TRIP4: variants seen among roughly 807,000 people sequenced by gnomAD.
TRIP4 encodes thyroid hormone receptor interactor 4.
Under a neutral mutation model 81.8 loss-of-function variants are expected in TRIP4, and 54 were observed. The observed-to-expected ratio is 0.66, with a 90% CI of 0.53 to 0.83. The LOEUF (loss-of-function observed/expected upper bound fraction) is 0.83. Among genes scored for constraint, TRIP4 ranks in the 40% least tolerant of loss-of-function variants. TRIP4 has a pLI of 0.00. For synonymous variants in TRIP4, 270 were observed against 242.8 expected (o/e 1.11, Z -1.04); for missense variants, 662 against 683.6 (o/e 0.97, Z 0.35).
intron 11 of TRIP4, among the ~76,000 whole-genome samples, chr15:64,443,188 G>A (rs949701497): frequency 3.9e-4 from 59 of 152,102 alleles, no homozygotes; most frequent in African/African-American, 1.4e-3. Context: ...TGTTGTAATG[G>A]GAATCTGAGA....
chr15:64,438,086 T>G (rs1005912897), intron 11 of TRIP4, among the ~76,000 whole-genome samples: 3 of 152,220 alleles, frequency 2.0e-5, no homozygotes, highest in Non-Finnish European at 2.9e-5. Flanking sequence ...AAAGGAGTAT[T>G]GTTGACATTA....
At chr15:64,433,755 T>C (rs967997542) in intron 11 of TRIP4, among the ~76,000 whole-genome samples, 2 of 152,212 alleles carry the variant, frequency 1.3e-5, no homozygotes, top group Admixed American at 1.3e-4. Context: ...TATCGGCCTC[T>C]ATGGAGAATA....
At chr15:64,401,381 C>A (rs1387630982) in intron 5 of TRIP4, among the ~76,000 whole-genome samples, 1 of 152,088 alleles carries the variant, frequency 6.6e-6, no homozygotes, top group Non-Finnish European at 1.5e-5. Flanking sequence ...ATGATCTGCC[C>A]ACCTTGGCCT....
chr15:64,414,476 C>G (rs1891843573), intron 8 of TRIP4, among the ~76,000 whole-genome samples: 1 of 148,642 alleles, frequency 6.7e-6, no homozygotes, highest in South Asian at 2.1e-4. Context: ...GAAATTTAGA[C>G]AGAAATTCCA....
intron 11 of TRIP4, among the ~76,000 whole-genome samples, chr15:64,427,795 G>A (rs1038250993): frequency 1.3e-5 from 2 of 152,188 alleles, no homozygotes; most frequent in African/African-American, 4.8e-5. Flanking sequence ...GCATTTTGGT[G>A]TGAATTTTGA....
chr15:64,414,316 A>C, intron 8 of TRIP4, 105 bp downstream of exon 8: 98 of 1,461,308 alleles, frequency 6.7e-5, no homozygotes, highest in Middle Eastern at 1.8e-4. Flanking sequence ...CAGCTCTCTC[A>C]ATACACCTGT....
Position 64,397,593 on chromosome 15 carries a change from C to G in TRIP4, c.406-13C>G, listed in dbSNP as rs775673558. 6.2e-7 allele frequency: 1 copy of G among 1,608,094 alleles called. No individual in the cohort carries two copies. The highest frequency in any genetic ancestry group is 2.2e-5 in the East Asian group (1 of 44,648). ...TAATTATTTGATGTTATTTTGATGT[C>G]TTTGTACGATAGGCACAAGAGAACA... On this transcript the variant is annotated splice_polypyrimidine_tract_variant and intron_variant, in intron 3 of 12. Transcript: ENST00000261884.
chr15:64,453,699 GTTC>G (rs1456970944), intron 12 of TRIP4, among the ~76,000 whole-genome samples: 4 of 152,316 alleles, frequency 2.6e-5, no homozygotes, highest in African/African-American at 9.6e-5. Context: ...AGGACATAAT[GTTC>G]TTCTAGAAGC....
At position 64,400,547 on chromosome 15, in the gene TRIP4, A is replaced by G. The variant is rs560706216; in HGVS notation, c.619-196A>G. Among the ~76,000 whole-genome samples, 7 of 151,170 alleles carry G rather than the reference A, an allele frequency of 4.6e-5. No homozygotes were observed. In the South Asian group the frequency reaches 6.3e-4, roughly 14 times the overall value. On this transcript the variant is annotated intron_variant, in intron 4 of 12. Transcript: ENST00000261884. ...GTGATATAAGTTTTTTGTTTGGGTC[A>G]TAAAAAAGAAATGGAAAGAGATCTG...
chr15:64,415,094 CAA>C (rs963919878), intron 8 of TRIP4, among the ~76,000 whole-genome samples: 7 of 112,610 alleles, frequency 6.2e-5, no homozygotes, highest in Non-Finnish European at 3.8e-5. Context: ...GACCCTGTCT[CAA>C]AAAAAAAAAA....
At chr15:64,405,006 T>C (rs1891590906) in intron 5 of TRIP4, among the ~76,000 whole-genome samples, 1 of 151,910 alleles carries the variant, frequency 6.6e-6, no homozygotes, top group Admixed American at 6.6e-5. Context: ...TTTTGGATCT[T>C]GGGTGTATCA....
At chr15:64,388,353 C>A (rs145415559) in intron 1 of TRIP4, among the ~76,000 whole-genome samples, 2,542 of 152,318 alleles carry the variant, frequency 0.017, 64 homozygotes, top group African/African-American at 0.058. Context: ...GTCGCCCAGG[C>A]TGGCGTGCGG....
chr15:64,388,100 G>C (rs865973110), intron 1 of TRIP4, 136 bp downstream of exon 1: 29 of 1,321,908 alleles, frequency 2.2e-5, no homozygotes, highest in South Asian at 4.3e-5. Flanking sequence ...TGTAGGCGTC[G>C]AATTTTGGCC....
In TRIP4 at chr15:64,409,789, T is replaced by C. The variant is rs201578335; in HGVS notation, c.1004T>C (p.Ile335Thr). The C allele has an allele frequency of 6.2e-7, 1 of 1,614,064 alleles. No homozygotes were observed. The highest frequency in any genetic ancestry group is 8.5e-7 in the Non-Finnish European group (1 of 1,180,044). ...ACCATTGACTTTGCAGGAAGGAAGATCCTGGAAGAAGAAAATTCACTAGCA... is the reference window on the plus strand; with the variant it reads ...ACCATTGACTTTGCAGGAAGGAAGACCCTGGAAGAAGAAAATTCACTAGCA... Reference protein sequence around the residue: ...KVTIDFAGRKILEEENSLAEY... With the variant: ...KVTIDFAGRKTLEEENSLAEY... Residue 335 changes from isoleucine (I) to threonine (T), a missense_variant, in exon 7 of 13, where the codon ATC becomes ACC. Coordinates refer to ENST00000261884, the MANE Select transcript of TRIP4 (RefSeq NM_016213.5).
intron 5 of TRIP4, among the ~76,000 whole-genome samples, chr15:64,405,115 C>T (rs533801329): frequency 8.6e-5 from 13 of 151,802 alleles, no homozygotes; most frequent in Non-Finnish European, 1.5e-4. Context: ...GAGTTATACT[C>T]GAGCTCAGAT....
intron 5 of TRIP4, among the ~76,000 whole-genome samples, chr15:64,405,827 C>T (rs1891609901): frequency 6.6e-6 from 1 of 152,126 alleles, no homozygotes; most frequent in African/African-American, 2.4e-5. Flanking sequence ...AGACCCGCCT[C>T]TCTACAAAAA....
At chr15:64,453,162 G>A (rs947471235) in intron 12 of TRIP4, among the ~76,000 whole-genome samples, 3 of 152,078 alleles carry the variant, frequency 2.0e-5, no homozygotes, top group Non-Finnish European at 1.5e-5. Context: ...CAGCCTGGGC[G>A]ACAGAGACTC....
At position 64,438,012 on chromosome 15, in the gene TRIP4, A is replaced by G. The variant is rs1045578243; in HGVS notation, c.1576-6994A>G. Among the ~76,000 whole-genome samples, 12 of 152,346 alleles carry G rather than the reference A, an allele frequency of 7.9e-5. No individual in the cohort carries two copies. In the East Asian group the frequency reaches 2.3e-3, roughly 29 times the overall value. ...GACTTAGTAATTTTACTGGATATGAAGGGTGAGAGAAGTCTAGGATCAACT... is the reference window on the plus strand; with the variant it reads ...GACTTAGTAATTTTACTGGATATGAGGGGTGAGAGAAGTCTAGGATCAACT... On this transcript the variant is annotated intron_variant, in intron 11 of 12. Coordinates refer to ENST00000261884, the MANE Select transcript of TRIP4 (RefSeq NM_016213.5).
intron 11 of TRIP4, among the ~76,000 whole-genome samples, chr15:64,426,066 G>A (rs779731393): frequency 4.1e-4 from 63 of 152,134 alleles, no homozygotes; most frequent in Non-Finnish European, 4.6e-4. Flanking sequence ...CTGGGCAACC[G>A]AGTGAGATTC....
Sources: gnomAD v4.1 joint callset for allele counts (sites outside exome capture counted in the v4.1 genomes callset) on GRCh38, gnomAD v4.1.1 for gene constraint, MANE v1.5 for transcripts, NCBI Gene and HGNC (gene_info 2026-07-23, HGNC 2026-07-21) for gene names.